The following CREB5 variants were observed in gnomAD, a reference collection of about 807,000 sequenced individuals.
CREB5 encodes the protein cyclic AMP-responsive element-binding protein 5.
In CREB5, 19 loss-of-function variants were observed where a neutral mutation model predicts 57.1. The ratio of observed to expected loss-of-function variants is 0.33; its 90% CI spans 0.23 to 0.49. The LOEUF (loss-of-function observed/expected upper bound fraction) is 0.49, where lower values mean the gene tolerates loss of function less well. Among genes scored for constraint, CREB5 ranks in the 20% least tolerant of loss-of-function variants. The pLI is 0.99. For missense variants in CREB5, 579 were observed against 671.6 expected (o/e 0.86, Z 1.52); for synonymous variants, 238 against 238.3 (o/e 1.00, Z 0.01).
At chr7:28,594,776 G>A (rs1401219706) in intron 5 of CREB5, among the ~76,000 whole-genome samples, 1 of 152,158 alleles carries the variant, frequency 6.6e-6, no homozygotes, top group Non-Finnish European at 1.5e-5. Flanking sequence ...TGCTTTCAGA[G>A]AACCCCACTA....
At chr7:28,687,187 T>C (rs1800983651) in intron 5 of CREB5, among the ~76,000 whole-genome samples, 1 of 152,210 alleles carries the variant, frequency 6.6e-6, no homozygotes, top group African/African-American at 2.4e-5. Context: ...ATTGTGCATT[T>C]GCTTGAGCAT....
chr7:28,355,308 G>A (rs1290821216), intron 1 of CREB5, among the ~76,000 whole-genome samples: 1 of 152,150 alleles, frequency 6.6e-6, no homozygotes, highest in Non-Finnish European at 1.5e-5. Flanking sequence ...TCCTTCAGCC[G>A]TGGCTCAGTT....
intron 1 of CREB5, among the ~76,000 whole-genome samples, chr7:28,333,888 T>C (rs1401801074): frequency 6.6e-6 from 1 of 152,166 alleles, no homozygotes; most frequent in African/African-American, 2.4e-5. Flanking sequence ...ATATACTGAT[T>C]TCCTTTCTTT....
At chr7:28,477,315 C>A (rs911561432) in intron 1 of CREB5, among the ~76,000 whole-genome samples, 2 of 152,192 alleles carry the variant, frequency 1.3e-5, no homozygotes. Context: ...GTCTCATAGG[C>A]CTTCTCCAAC....
intron 1 of CREB5, among the ~76,000 whole-genome samples, chr7:28,343,459 T>C (rs1785976097): frequency 1.3e-5 from 2 of 152,128 alleles, no homozygotes; most frequent in African/African-American, 4.8e-5. Flanking sequence ...TGTCTTTCTG[T>C]GCCTGCCTGG....
At chr7:28,623,178 T>C (rs1283685883) in intron 5 of CREB5, among the ~76,000 whole-genome samples, 6 of 152,168 alleles carry the variant, frequency 3.9e-5, no homozygotes, top group Non-Finnish European at 8.8e-5. Context: ...CCACTGCACC[T>C]GTCCCCATCT....
At chr7:28,619,470 T>C (rs1305686058) in intron 5 of CREB5, among the ~76,000 whole-genome samples, 1 of 152,232 alleles carries the variant, frequency 6.6e-6, no homozygotes, top group Non-Finnish European at 1.5e-5. Context: ...CATTGTTTGC[T>C]GCCTGTTTAT....
At chr7:28,418,760 C>G (rs1034872829) in intron 1 of CREB5, among the ~76,000 whole-genome samples, 5 of 152,152 alleles carry the variant, frequency 3.3e-5, no homozygotes, top group Admixed American at 6.5e-5. Flanking sequence ...ATTGCCAAGG[C>G]TAGGCATCCT....
At chr7:28,391,953 C>G (rs112897558) in intron 1 of CREB5, among the ~76,000 whole-genome samples, 1 of 152,136 alleles carries the variant, frequency 6.6e-6, no homozygotes, top group Non-Finnish European at 1.5e-5. Flanking sequence ...AATTTTTTCA[C>G]AAAATCCTGT....
chr7:28,560,855 T>TGCGCGCGC (rs1554344299), intron 4 of CREB5, among the ~76,000 whole-genome samples: 1 of 56,388 alleles, frequency 1.8e-5, no homozygotes, highest in Non-Finnish European at 3.5e-5. Context: ...CGCGTGTGTG[T>TGCGCGCGC]GTGCGTGTGC....
At chr7:28,792,915 A>C (rs1051687023) in intron 7 of CREB5, among the ~76,000 whole-genome samples, 3 of 152,172 alleles carry the variant, frequency 2.0e-5, no homozygotes, top group African/African-American at 7.2e-5. Context: ...TGCTGGGTTG[A>C]GTGCCATATG....
At chr7:28,637,947 G>T (rs1199747198) in intron 5 of CREB5, among the ~76,000 whole-genome samples, 2 of 152,196 alleles carry the variant, frequency 1.3e-5, no homozygotes, top group East Asian at 3.8e-4. Flanking sequence ...GCTTCAGACT[G>T]TGTGGGCTTA....
At chr7:28,456,020 A>G (rs1790080079) in intron 1 of CREB5, among the ~76,000 whole-genome samples, 1 of 152,248 alleles carries the variant, frequency 6.6e-6, no homozygotes, top group South Asian at 2.1e-4. Flanking sequence ...AGGCCAGGCC[A>G]CAGAGGGGAC....
chr7:28,636,734 T>A lies in CREB5; in HGVS notation c.464+66197T>A, dbSNP rs565778233. On this transcript the variant is annotated intron_variant, in intron 5 of 10. Coordinates refer to ENST00000357727, the MANE Select transcript of CREB5 (RefSeq NM_182898.4). ...CTATTTATCTACTTGGAAAATCTCATGTTTGTCTTTTTGTCTTCATCCTTA... is the reference window on the plus strand; with the variant it reads ...CTATTTATCTACTTGGAAAATCTCAAGTTTGTCTTTTTGTCTTCATCCTTA... 5.9e-5 allele frequency among the ~76,000 whole-genome samples: 9 copies of A among 152,338 alleles called. 1 individual carries two copies. Among genetic ancestry groups the A allele is most frequent in the African/African-American group, 2.2e-4 (9 of 41,582 alleles).
At chr7:28,394,524 A>G (rs1384759077) in intron 1 of CREB5, among the ~76,000 whole-genome samples, 1 of 152,246 alleles carries the variant, frequency 6.6e-6, no homozygotes, top group Non-Finnish European at 1.5e-5. Context: ...ACTACTAAAA[A>G]TAAATCTGGA....
intron 4 of CREB5, among the ~76,000 whole-genome samples, chr7:28,541,085 A>G (rs531250812): frequency 6.6e-6 from 1 of 152,374 alleles, no homozygotes; most frequent in East Asian, 1.9e-4. Context: ...AATAATGCGT[A>G]AATGAATAAA....
chr7:28,384,291 C>G (rs977748378), intron 1 of CREB5, among the ~76,000 whole-genome samples: 1 of 152,152 alleles, frequency 6.6e-6, no homozygotes, highest in Non-Finnish European at 1.5e-5. Context: ...GATATCATAA[C>G]AGAGTAAGAA....
chr7:28,703,406 A>C (rs1801960631), intron 5 of CREB5, among the ~76,000 whole-genome samples: 1 of 152,196 alleles, frequency 6.6e-6, no homozygotes, highest in Non-Finnish European at 1.5e-5. Flanking sequence ...TATGAGGGGA[A>C]AGATCTAAAG....
intron 1 of CREB5, among the ~76,000 whole-genome samples, chr7:28,481,991 G>A (rs1791352489): frequency 6.6e-6 from 1 of 152,118 alleles, no homozygotes; most frequent in African/African-American, 2.4e-5. Flanking sequence ...ACAATATTCA[G>A]GTTTGAAAAA....
Sources: gnomAD v4.1 joint callset for allele counts (sites outside exome capture counted in the v4.1 genomes callset) on GRCh38, gnomAD v4.1.1 for gene constraint, MANE v1.5 for transcripts, NCBI Gene and HGNC (gene_info 2026-07-23, HGNC 2026-07-21) for gene names.